MEGF11: variants seen among roughly 807,000 people sequenced by gnomAD.
MEGF11 encodes multiple EGF like domains 11, also known as multiple epidermal growth factor-like domains protein 11.
A neutral mutation model predicts 146.6 loss-of-function variants in MEGF11; 126 were observed. The observed-to-expected ratio is 0.86, with a 90% confidence interval of 0.74 to 1.00. MEGF11 has a LOEUF of 1.00. MEGF11 is among the 50% of genes least tolerant of loss of function. MEGF11 has a pLI of 0.00. For synonymous variants in MEGF11, 532 were observed against 583.4 expected, an observed-to-expected ratio of 0.91 and a Z score of 1.27; for missense variants, 1,509 against 1,521.2, an observed-to-expected ratio of 0.99 and a Z score of 0.13.
At chr15:65,996,273 C>G (rs1286150739) in intron 5 of MEGF11, among the ~76,000 whole-genome samples, 2 of 152,186 alleles carry the variant, frequency 1.3e-5, no homozygotes, top group African/African-American at 4.8e-5. Flanking sequence ...AGGGGGAAAG[C>G]AAATTGTGGG....
chr15:66,201,780 A>C (rs1435252502), intron 1 of MEGF11, among the ~76,000 whole-genome samples: 1 of 144,034 alleles, frequency 6.9e-6, no homozygotes. Flanking sequence ...AAAAATCCCA[A>C]AAAAAAAAAA....
At chr15:66,226,920 G>T (rs960539934) in intron 1 of MEGF11, among the ~76,000 whole-genome samples, 1 of 152,220 alleles carries the variant, frequency 6.6e-6, no homozygotes, top group African/African-American at 2.4e-5. Flanking sequence ...TGGGAGGACA[G>T]GTTGCCAGAA....
At chr15:66,084,513 G>A (rs753962071) in intron 5 of MEGF11, among the ~76,000 whole-genome samples, 1 of 152,128 alleles carries the variant, frequency 6.6e-6, no homozygotes, top group South Asian at 2.1e-4. Flanking sequence ...GGGAAAGGGA[G>A]ACCCTCCTCT....
intron 15 of MEGF11, among the ~76,000 whole-genome samples, chr15:65,920,369 C>T (rs909896288): frequency 4.6e-5 from 7 of 152,192 alleles, no homozygotes; most frequent in Non-Finnish European, 8.8e-5. Context: ...AGCAGGCTGC[C>T]CAGCCTCTTC....
chr15:66,109,199 A>G (rs1448290061), intron 4 of MEGF11, among the ~76,000 whole-genome samples: 1 of 151,872 alleles, frequency 6.6e-6, no homozygotes, highest in Non-Finnish European at 1.5e-5. Flanking sequence ...TGGCTCACCC[A>G]TCCCTGCACA....
chr15:66,052,406 G>C (rs899623254), intron 5 of MEGF11, among the ~76,000 whole-genome samples: 9 of 152,150 alleles, frequency 5.9e-5, no homozygotes, highest in African/African-American at 2.2e-4. Context: ...TTTGGGAAGA[G>C]GTCTGTTTGT....
At chr15:66,037,706 G>A (rs866425387) in intron 5 of MEGF11, among the ~76,000 whole-genome samples, 2 of 152,318 alleles carry the variant, frequency 1.3e-5, no homozygotes, top group African/African-American at 2.4e-5. Flanking sequence ...GGCAGCCCTC[G>A]GCAGGCAGGA....
At chr15:66,195,045 T>A (rs1317627527) in intron 1 of MEGF11, among the ~76,000 whole-genome samples, 1 of 151,968 alleles carries the variant, frequency 6.6e-6, no homozygotes, top group African/African-American at 2.4e-5. Context: ...GAAATGTATG[T>A]CCTCACAGTT....
intron 5 of MEGF11, among the ~76,000 whole-genome samples, chr15:66,076,251 T>C (rs2140501970): frequency 7.0e-6 from 1 of 142,286 alleles, no homozygotes; most frequent in Non-Finnish European, 1.5e-5. Context: ...GATGGATGGA[T>C]GCATGTTCCT....
chr15:66,009,486 C>G (rs934711464), intron 5 of MEGF11, among the ~76,000 whole-genome samples: 3 of 151,958 alleles, frequency 2.0e-5, no homozygotes, highest in African/African-American at 7.3e-5. Flanking sequence ...TGACCCCTTC[C>G]TGGGAGGATA....
intron 1 of MEGF11, among the ~76,000 whole-genome samples, chr15:66,236,793 G>A (rs4776766): frequency 0.46 from 69,630 of 151,904 alleles, 16,899 homozygotes; most frequent in East Asian, 0.68. Context: ...GCCGGTCCTG[G>A]TTTGGGGAGA....
chr15:65,983,428 C>A (rs2081734562), intron 5 of MEGF11, among the ~76,000 whole-genome samples: 3 of 152,180 alleles, frequency 2.0e-5, no homozygotes, highest in South Asian at 4.1e-4. Flanking sequence ...CACACAATAA[C>A]AAGATGTCCT....
Position 66,228,221 on chromosome 15 carries a change from C to A in MEGF11, c.-9+25384G>T, listed in dbSNP as rs556814768. 7.9e-5 allele frequency among the ~76,000 whole-genome samples: 12 copies of A among 152,256 alleles called. 1 individual carries two copies. In the South Asian group the frequency reaches 1.9e-3, roughly 24 times the overall value. ...GGGAGCTTAGCAAATCATATCACAG[C>A]AGGAAGGCTCTTCAGAAAACACCAC... On this transcript the variant is annotated intron_variant, in intron 1 of 25. Coordinates refer to ENST00000395614, the MANE Select transcript of MEGF11 (RefSeq NM_001385028.1).
chr15:65,912,337 T>C, intron 20 of MEGF11, 137 bp from the exon 21 acceptor site: 1 of 447,270 alleles, frequency 2.2e-6, no homozygotes, highest in East Asian at 3.6e-5. Flanking sequence ...CCCCCAAGCT[T>C]CCTGGCATCC....
intron 10 of MEGF11, among the ~76,000 whole-genome samples, chr15:65,941,398 A>G (rs145984586): frequency 6.6e-6 from 1 of 152,186 alleles, no homozygotes; most frequent in East Asian, 1.9e-4. Context: ...CAGTGAACCA[A>G]AATTGCTCCA....
At chr15:65,910,022 G>C in intron 21 of MEGF11, 1 of 678,480 alleles carries the variant, frequency 1.5e-6, no homozygotes, top group South Asian at 1.5e-5. Context: ...CCCAGCTGTT[G>C]GGCTGAAGTT....
In MEGF11 at chr15:66,206,172, A is replaced by T. The variant is rs1018585176; in HGVS notation, c.-9+47433T>A. On this transcript the variant is annotated intron_variant, in intron 1 of 25. Transcript: ENST00000395614. ...GTGGGTGGACTCAGCAGCTGAATAG[A>T]GGGGCAGAGAAAAGCAGCAGTGAAC... is the stretch of plus-strand genomic sequence containing the variant. 1.3e-5 allele frequency among the ~76,000 whole-genome samples: 2 copies of T among 152,334 alleles called. 1 individual carries two copies. Among genetic ancestry groups the T allele is most frequent in the Admixed American group, 1.3e-4 (2 of 15,300 alleles).
At chr15:66,240,707 T>C (rs966937950) in intron 1 of MEGF11, among the ~76,000 whole-genome samples, 1 of 152,226 alleles carries the variant, frequency 6.6e-6, no homozygotes, top group African/African-American at 2.4e-5. Flanking sequence ...GTTAGGTAGC[T>C]GGTCAGAAAC....
chr15:65,909,747 G>A lies in MEGF11; in HGVS notation c.2889C>T (p.Asn963=), dbSNP rs534744614. The change falls in exon 22 of 26, where the codon AAC becomes AAT. Residue 963 remains asparagine, a synonymous_variant. Transcript: ENST00000395614. ...ACTCACACCACTACTGACCTAACAC[G>A]TTCACATAGCTGTAGGGGGTCCAGC... ...TAGWTPYSYV[N]VLDSHFQISA... is the part of the protein sequence containing the mutation. 8.1e-5 allele frequency: 128 copies of A among 1,579,600 alleles called. No homozygotes were observed. The African/African-American group carries it at 1.0e-3, about 12-fold the overall frequency.
Sources: gnomAD v4.1 joint callset for allele counts (sites outside exome capture counted in the v4.1 genomes callset) on GRCh38, gnomAD v4.1.1 for gene constraint, MANE v1.5 for transcripts, NCBI Gene and HGNC (gene_info 2026-07-23, HGNC 2026-07-21) for gene names.